GPM6B: variants seen among roughly 807,000 people sequenced by gnomAD.
GPM6B encodes neuronal membrane glycoprotein M6-b.
Under a neutral mutation model 27.2 loss-of-function variants are expected in GPM6B, and 4 were observed. That is an observed-to-expected ratio of 0.15 (90% CI 0.07 to 0.34). The LOEUF (loss-of-function observed/expected upper bound fraction) is 0.34. Ranked by LOEUF, GPM6B falls within the 10% of genes least tolerant of loss-of-function variation. The pLI is 1.00. For synonymous variants in GPM6B, 124 were observed against 103.1 expected (o/e 1.20, Z -1.23); for missense variants, 183 against 261.9 (o/e 0.70, Z 2.08).
intron 2 of GPM6B, among the ~76,000 whole-genome samples, chrX:13,798,289 A>G (rs1178327939): frequency 9.1e-6 from 1 of 109,559 alleles, no homozygotes; most frequent in African/African-American, 3.3e-5. Flanking sequence ...GCAGCAAGGC[A>G]CAGCAGAGGC....
At chrX:13,776,369 G>A in intron 6 of GPM6B, 66 bp from the exon 7 acceptor site, 1 of 875,507 alleles carries the variant, frequency 1.1e-6, no homozygotes, top group Non-Finnish European at 1.6e-6. Context: ...ACTCATTGTG[G>A]GGTGCTGCTT....
At chrX:13,780,828 T>A in intron 4 of GPM6B, 1 of 216,541 alleles carries the variant, frequency 4.6e-6, no homozygotes, top group Non-Finnish European at 8.9e-6. Flanking sequence ...CCACAGAGGG[T>A]GTGGAGTGCT....
rs1038610117 is a variant in GPM6B at position 13,838,719 on chromosome X, C to T, written c.-197-52911G>A. 7.2e-5 allele frequency among the ~76,000 whole-genome samples: 8 copies of T among 111,693 alleles called. No homozygotes were observed. The East Asian group carries it at 2.0e-3, about 27-fold the overall frequency. Reference sequence around the variant, plus strand: ...CCTGCCCAAAGGGAGGAAGGGGAGGCAGCTGAACCTGATGGCAAGGGACCA... The same window carrying T: ...CCTGCCCAAAGGGAGGAAGGGGAGGTAGCTGAACCTGATGGCAAGGGACCA... On this transcript the variant is annotated intron_variant, in intron 1 of 6. Coordinates refer to the GPM6B transcript ENST00000398361.
intron 1 of GPM6B, among the ~76,000 whole-genome samples, chrX:13,924,752 CTA>C (rs1245304965): frequency 8.9e-6 from 1 of 112,016 alleles, no homozygotes; most frequent in Non-Finnish European, 1.9e-5. Flanking sequence ...ATTGTGAACT[CTA>C]TCACTGTTTG....
chrX:13,931,323 C>T (rs961329448), intron 1 of GPM6B, among the ~76,000 whole-genome samples: 4 of 110,311 alleles, frequency 3.6e-5, no homozygotes, highest in Non-Finnish European at 7.6e-5. Context: ...CCCATCTCTA[C>T]TAAAAATACA....
intron 1 of GPM6B, among the ~76,000 whole-genome samples, chrX:13,823,520 GTTTTT>G (rs201574507): frequency 0.02 from 1,917 of 95,927 alleles, 46 homozygotes; most frequent in East Asian, 0.074. Context: ...ACTGAACCTG[GTTTTT>G]TTTTTTTTTT....
chrX:13,838,517 G>T (rs889640609), intron 1 of GPM6B, among the ~76,000 whole-genome samples: 1 of 112,197 alleles, frequency 8.9e-6, no homozygotes, highest in Non-Finnish European at 1.9e-5. Context: ...GACACTTAAA[G>T]TGGCACCTTC....
intron 1 of GPM6B, among the ~76,000 whole-genome samples, chrX:13,910,384 A>C (rs2050368275): frequency 1.8e-5 from 2 of 112,727 alleles, no homozygotes; most frequent in South Asian, 7.3e-4. Flanking sequence ...GGTGAGAGCC[A>C]CTGGGCGAAT....
At chrX:13,927,010 T>C (rs1447586667) in intron 1 of GPM6B, among the ~76,000 whole-genome samples, 2 of 111,809 alleles carry the variant, frequency 1.8e-5, no homozygotes, top group African/African-American at 6.5e-5. Context: ...AGGAAGATGA[T>C]ATTGAAAACA....
intron 1 of GPM6B, among the ~76,000 whole-genome samples, chrX:13,876,094 G>A (rs1414159090): frequency 1.8e-5 from 2 of 112,320 alleles, no homozygotes; most frequent in African/African-American, 3.2e-5. Flanking sequence ...GACATGCTGA[G>A]TTACAACGAT....
At position 13,785,630 on chromosome X, in the gene GPM6B, C is replaced by T; in HGVS notation, c.360G>A (p.Leu120=). 2 of 1,211,005 alleles carry T rather than the reference C, an allele frequency of 1.7e-6. No individual in the cohort carries two copies. The highest frequency in any genetic ancestry group is 2.2e-6 in the Non-Finnish European group (2 of 894,905). The change falls in exon 3 of 8, where the codon CTG becomes CTA. Residue 120 remains leucine (L), a synonymous_variant. Coordinates refer to ENST00000316715, the MANE Select transcript of GPM6B (RefSeq NM_001001995.3). ...FSTNASDHAL[L]SEVIQLMQYV... ...GGGAACCGGATACTTACACCTCGCT[C>T]AGCAAGGCATGGTCACTGGCGTTGG...
intron 1 of GPM6B, among the ~76,000 whole-genome samples, chrX:13,844,805 G>A (rs1445624889): frequency 3.6e-5 from 4 of 111,520 alleles, no homozygotes; most frequent in African/African-American, 9.8e-5. Context: ...GCTATCTATG[G>A]CTTAGAGTTC....
intron 1 of GPM6B, among the ~76,000 whole-genome samples, chrX:13,869,649 A>G (rs900699472): frequency 9.0e-6 from 1 of 111,508 alleles, no homozygotes; most frequent in Non-Finnish European, 1.9e-5. Flanking sequence ...GTTCAGTGAC[A>G]TTTCAATTAT....
chrX:13,900,085 G>T (rs1404584769), intron 1 of GPM6B, among the ~76,000 whole-genome samples: 1 of 111,510 alleles, frequency 9.0e-6, no homozygotes, highest in Non-Finnish European at 1.9e-5. Context: ...TAGATGGAAG[G>T]TTTAGTCCAA....
chrX:13,793,433 G>C (rs1428477432), intron 2 of GPM6B, among the ~76,000 whole-genome samples: 1 of 111,089 alleles, frequency 9.0e-6, no homozygotes, highest in Non-Finnish European at 1.9e-5. Flanking sequence ...GATCTCCCGA[G>C]GCTGTGTCAC....
chrX:13,858,904 C>T (rs1185115246), intron 1 of GPM6B, among the ~76,000 whole-genome samples: 1 of 112,209 alleles, frequency 8.9e-6, no homozygotes, highest in African/African-American at 3.2e-5. Context: ...TTGGCATCAT[C>T]CATTGTACCT....
At chrX:13,866,873 G>A in intron 1 of GPM6B, among the ~76,000 whole-genome samples, 1 of 111,651 alleles carries the variant, frequency 9.0e-6, no homozygotes. Context: ...TCAGAGAGAT[G>A]CATTTGCAGT....
chrX:13,817,868 T>C (rs933210281), upstream of GPM6B, among the ~76,000 whole-genome samples: 1 of 112,179 alleles, frequency 8.9e-6, no homozygotes, highest in Non-Finnish European at 1.9e-5. Context: ...AAGCATAACA[T>C]GTTCACAAGT....
At chrX:13,889,904 A>G (rs1037857059) in intron 1 of GPM6B, among the ~76,000 whole-genome samples, 25 of 111,074 alleles carry the variant, frequency 2.3e-4, no homozygotes, top group African/African-American at 7.9e-4. Context: ...AGGAAGACTG[A>G]CTTTCCAGTT....
Sources: gnomAD v4.1 joint callset for allele counts (sites outside exome capture counted in the v4.1 genomes callset) on GRCh38, gnomAD v4.1.1 for gene constraint, MANE v1.5 for transcripts, NCBI Gene and HGNC (gene_info 2026-07-23, HGNC 2026-07-21) for gene names.